SS18: variants seen among roughly 807,000 people sequenced by gnomAD.
The protein encoded by SS18 is protein SSXT.
A neutral mutation model predicts 72.5 loss-of-function variants in SS18; 28 were observed. The observed-to-expected ratio is 0.39, with a 90% CI of 0.29 to 0.53. SS18 has a LOEUF of 0.53. SS18 is among the 20% of genes least tolerant of loss of function. SS18 has a pLI of 0.76. For missense variants in SS18, 518 were observed against 535.3 expected (o/e 0.97, Z 0.32); for synonymous variants, 172 against 164.2 (o/e 1.05, Z -0.37).
chr18:26,087,277 C>A (rs531978461), intron 2 of SS18, among the ~76,000 whole-genome samples: 1 of 152,150 alleles, frequency 6.6e-6, no homozygotes, highest in East Asian at 1.9e-4. Flanking sequence ...TAGTGACTGC[C>A]AAAGGATACC....
chr18:26,021,903 T>A (rs530289945), intron 10 of SS18, among the ~76,000 whole-genome samples: 2 of 152,284 alleles, frequency 1.3e-5, no homozygotes, highest in East Asian at 1.9e-4. Context: ...CGAGTAGGCA[T>A]CTAATTTCCA....
chr18:26,073,907 G>C (rs1348925350), intron 3 of SS18, among the ~76,000 whole-genome samples: 2 of 152,090 alleles, frequency 1.3e-5, no homozygotes, highest in Admixed American at 1.3e-4. Flanking sequence ...CTAGGCATGG[G>C]TATTTGGCAG....
chr18:26,058,027 C>A (rs975036889), intron 3 of SS18, among the ~76,000 whole-genome samples: 5 of 151,988 alleles, frequency 3.3e-5, no homozygotes, highest in South Asian at 4.2e-4. Context: ...CTATTATTAT[C>A]TAAATTATGT....
At chr18:26,078,243 TAA>T (rs2054452359) in intron 2 of SS18, 83 bp from the exon 3 acceptor site, 1 of 955,232 alleles carries the variant, frequency 1.0e-6, no homozygotes. Flanking sequence ...TAATCATTTC[TAA>T]AGTTTCATTA....
chr18:26,048,868 T>C (rs951786693), intron 5 of SS18, among the ~76,000 whole-genome samples: 2 of 152,258 alleles, frequency 1.3e-5, no homozygotes, highest in African/African-American at 2.4e-5. Flanking sequence ...TCAAATGTTT[T>C]TGTGTTCACC....
At chr18:26,081,812 C>G (rs967930157) in intron 2 of SS18, among the ~76,000 whole-genome samples, 1 of 152,042 alleles carries the variant, frequency 6.6e-6, no homozygotes, top group African/African-American at 2.4e-5. Context: ...AATCCCAGCA[C>G]TTTGGGAGGC....
In SS18 at chr18:26,052,919, T is replaced by C. The variant is rs1466222026; in HGVS notation, c.386-74A>G. 3.7e-5 allele frequency: 35 copies of C among 938,570 alleles called. No individual in the cohort carries two copies. The East Asian group carries it at 8.8e-4, about 24-fold the overall frequency. 58.1% of individuals were successfully genotyped at this position (938,570 alleles called of 1,614,324 possible). Reference sequence around the variant, plus strand: ...TCCATACAAAAGTACCTGGAAATAATTTTTTTTTTGCATTATTATAGTAAT... The same window carrying C: ...TCCATACAAAAGTACCTGGAAATAACTTTTTTTTTGCATTATTATAGTAAT... On this transcript the variant is annotated intron_variant, in intron 4 of 10. Coordinates refer to ENST00000415083, the MANE Select transcript of SS18 (RefSeq NM_001007559.3).
chr18:26,090,051 C>G (rs1246337934), intron 1 of SS18: 1 of 167,720 alleles, frequency 6.0e-6, no homozygotes, highest in Non-Finnish European at 1.3e-5. Context: ...GCGACCAGCG[C>G]ACCGACTTCC....
At chr18:26,091,035 G>T, upstream of SS18, 1 of 193,178 alleles carries the variant, frequency 5.2e-6, no homozygotes, top group Non-Finnish European at 1.1e-5. Context: ...GCGTCTCCCC[G>T]ACTGTGTTGC....
chr18:26,046,182 AC>A (rs2143935259), intron 5 of SS18, among the ~76,000 whole-genome samples: 1 of 134,306 alleles, frequency 7.4e-6, no homozygotes, highest in African/African-American at 3.1e-5. Flanking sequence ...ACAGAGGAAG[AC>A]TCCGTCTCAA....
chr18:26,044,788 A>G (rs2053791163), intron 5 of SS18, among the ~76,000 whole-genome samples: 1 of 152,092 alleles, frequency 6.6e-6, no homozygotes, highest in South Asian at 2.1e-4. Context: ...GGGGTAAAGG[A>G]TCGAGATTGG....
At chr18:26,051,449 C>T (rs1598568489) in intron 5 of SS18, among the ~76,000 whole-genome samples, 1 of 152,178 alleles carries the variant, frequency 6.6e-6, no homozygotes, top group Non-Finnish European at 1.5e-5. Flanking sequence ...GCTGCAGCAA[C>T]ATCCATTTTT....
chr18:26,023,713 G>A (rs1294674692), intron 10 of SS18: 1 of 486,812 alleles, frequency 2.1e-6, no homozygotes, highest in Non-Finnish European at 3.9e-6. Context: ...ATTATTACCA[G>A]TACACCTGCA....
intron 3 of SS18, among the ~76,000 whole-genome samples, chr18:26,074,507 T>C (rs527989196): frequency 3.9e-4 from 59 of 152,180 alleles, no homozygotes; most frequent in South Asian, 6.2e-4. Flanking sequence ...GTGTCTTCTA[T>C]TAAGCCAGAC....
chr18:26,072,339 A>G (rs1234002369), intron 3 of SS18, among the ~76,000 whole-genome samples: 1 of 148,380 alleles, frequency 6.7e-6, no homozygotes, highest in African/African-American at 2.6e-5. Flanking sequence ...CAGCACTTTG[A>G]TTGCTAGACT....
rs376581468 is a variant in SS18, at chr18:26,017,274, A to T, written c.*1080T>A. 5.1e-6 allele frequency: 1 copy of T among 195,986 alleles called. No individual in the cohort carries two copies. The highest frequency in any genetic ancestry group is 1.1e-5 in the Non-Finnish European group (1 of 94,392). 12.1% of individuals were successfully genotyped at this position (195,986 alleles called of 1,614,324 possible). A position where few individuals can be genotyped will look rare whatever the true frequency, so the allele number is the denominator to read the frequency against. On this transcript the variant is annotated 3_prime_UTR_variant, in exon 11 of 11. Transcript: ENST00000415083. Reference sequence around the variant, plus strand: ...ACCAACATAAAAAAGGGAAAAACATAAAAGTGTCCCTTTATAAATGATATT... The same window carrying T: ...ACCAACATAAAAAAGGGAAAAACATTAAAGTGTCCCTTTATAAATGATATT...
At chr18:26,053,721 C>T (rs775054863) in intron 4 of SS18, among the ~76,000 whole-genome samples, 3 of 152,126 alleles carry the variant, frequency 2.0e-5, no homozygotes, top group South Asian at 2.1e-4. Flanking sequence ...TTGATTGCTT[C>T]ACTTAAAATA....
At chr18:26,043,493 C>T (rs557758152) in intron 5 of SS18, among the ~76,000 whole-genome samples, 5 of 152,262 alleles carry the variant, frequency 3.3e-5, no homozygotes, top group African/African-American at 4.8e-5. Context: ...TAATCTCTAA[C>T]CCAATTATAG....
At chr18:26,087,815 C>A (rs1034381086) in intron 1 of SS18, among the ~76,000 whole-genome samples, 1 of 152,082 alleles carries the variant, frequency 6.6e-6, no homozygotes, top group Non-Finnish European at 1.5e-5. Context: ...TGTTGCTACC[C>A]GCTGTTACAA....
Sources: gnomAD v4.1 joint callset for allele counts (sites outside exome capture counted in the v4.1 genomes callset) on GRCh38, gnomAD v4.1.1 for gene constraint, MANE v1.5 for transcripts, NCBI Gene and HGNC (gene_info 2026-07-23, HGNC 2026-07-21) for gene names.